The following COL5A2 variants were observed in gnomAD, a reference collection of about 807,000 sequenced individuals.
COL5A2 encodes collagen alpha-2(V) chain.
In COL5A2, 23 loss-of-function variants were observed where a neutral mutation model predicts 208.2. That is an observed-to-expected ratio of 0.11 (90% confidence interval 0.08 to 0.16). The LOEUF (loss-of-function observed/expected upper bound fraction) is 0.16, where lower values mean the gene tolerates loss of function less well. COL5A2 is among the 10% of genes least tolerant of loss of function. The probability of loss-of-function intolerance (pLI) is 1.00; values close to 1 mark genes in which losing one functional copy is unlikely to be tolerated. For missense variants in COL5A2, 1,590 were observed against 1,956.4 expected, an observed-to-expected ratio of 0.81 and a Z score of 3.53; for synonymous variants, 625 against 628.5, an observed-to-expected ratio of 0.99 and a Z score of 0.08.
At chr2:189,034,791 A>G in intron 53 of COL5A2, 125 bp downstream of exon 53, 2 of 1,099,998 alleles carry the variant, frequency 1.8e-6, no homozygotes, top group Non-Finnish European at 1.3e-6. Context: ...GAATGACTAT[A>G]AACAAACTGC....
chr2:189,314,786 G>A, the COL5A2 span, among the ~76,000 whole-genome samples: 1 of 152,112 alleles, frequency 6.6e-6, no homozygotes, highest in South Asian at 2.1e-4. Flanking sequence ...ACAACCATCA[G>A]AGAATATTAT....
the COL5A2 span, among the ~76,000 whole-genome samples, chr2:189,287,591 T>A: frequency 6.6e-6 from 1 of 152,266 alleles, no homozygotes; most frequent in South Asian, 2.1e-4. Context: ...CTTGTACCCA[T>A]GGAACAAGGA....
At chr2:189,041,882 T>C (rs1163647251) in intron 49 of COL5A2, among the ~76,000 whole-genome samples, 189 bp from the exon 50 acceptor site, 1 of 152,252 alleles carries the variant, frequency 6.6e-6, no homozygotes, top group African/African-American at 2.4e-5. Flanking sequence ...GAATTTTCCA[T>C]CATCCATGCA....
the COL5A2 span, among the ~76,000 whole-genome samples, chr2:189,396,612 TGCAGTGAGCAGA>T: frequency 6.8e-6 from 1 of 147,680 alleles, no homozygotes; most frequent in Non-Finnish European, 1.5e-5. Context: ...AGGCGGAGCT[TGCAGTGAGCAGA>T]GCTCGCGCCA....
rs145088407 is a variant in COL5A2, at chr2:189,113,585, T to C, written c.98-3136A>G. On this transcript the variant is annotated intron_variant, in intron 1 of 53. Transcript: ENST00000374866. ...ACATTGTGGAGTGCTATATTTGTTA[T>C]ATAATAGATGAATATAATTAACTTA... Among the ~76,000 whole-genome samples the C allele has an allele frequency of 6.0e-3, 895 of 149,202 alleles. 10 individuals are homozygous for C. The highest frequency in any genetic ancestry group is 0.021 in the African/African-American group (856 of 40,998).
chr2:189,050,493 A>G, intron 43 of COL5A2, 76 bp downstream of exon 43: 2 of 1,259,566 alleles, frequency 1.6e-6, no homozygotes, highest in South Asian at 1.3e-5. Context: ...TCATCAAGCA[A>G]AAAAAATAAA....
the COL5A2 span, among the ~76,000 whole-genome samples, chr2:189,270,767 T>C: frequency 6.6e-6 from 1 of 152,166 alleles, no homozygotes; most frequent in Non-Finnish European, 1.5e-5. Flanking sequence ...CCCCACTGTC[T>C]CAGTCCAAAA....
chr2:189,253,958 C>G, the COL5A2 span, among the ~76,000 whole-genome samples: 4 of 152,218 alleles, frequency 2.6e-5, no homozygotes, highest in African/African-American at 7.2e-5. Context: ...TTTAATGATT[C>G]ACTCACTCAC....
intron 1 of COL5A2, among the ~76,000 whole-genome samples, chr2:189,145,759 A>G (rs1456972488): frequency 6.6e-6 from 1 of 152,160 alleles, no homozygotes; most frequent in East Asian, 1.9e-4. Context: ...AAACCAGGCT[A>G]CAAAAGTATA....
At chr2:189,345,456 T>C in the COL5A2 span, among the ~76,000 whole-genome samples, 2 of 151,778 alleles carry the variant, frequency 1.3e-5, no homozygotes, top group African/African-American at 4.8e-5. Context: ...GGGGAGAAAA[T>C]ATAGCAAGAA....
Position 189,058,057 on chromosome 2 carries a change from AC to A in COL5A2, c.2229+371del, listed in dbSNP as rs569138667. ...AGTAAGCAGAATTGTGAAACCTGAGACAAGGAAAATGGAGCATATTATTAGA... is the reference window on the plus strand; with the variant it reads ...AGTAAGCAGAATTGTGAAACCTGAGAAAGGAAAATGGAGCATATTATTAGA... On this transcript the variant is annotated intron_variant, in intron 33 of 53. Coordinates refer to ENST00000374866, the MANE Select transcript of COL5A2 (RefSeq NM_000393.5). Among the ~76,000 whole-genome samples, 23 of 152,342 alleles carry A rather than the reference AC, an allele frequency of 1.5e-4. No homozygotes were observed. In the South Asian group the frequency reaches 2.7e-3, roughly 18 times the overall value.
At chr2:189,190,314 T>C (rs982901876) in intron 1 of COL5A2, among the ~76,000 whole-genome samples, 21 of 152,166 alleles carry the variant, frequency 1.4e-4, no homozygotes, top group African/African-American at 4.8e-4. Context: ...AAGATATTAT[T>C]GGAGGAGTGA....
At chr2:189,304,430 G>C in the COL5A2 span, among the ~76,000 whole-genome samples, 1 of 152,130 alleles carries the variant, frequency 6.6e-6, no homozygotes, top group Non-Finnish European at 1.5e-5. Flanking sequence ...GGTTTAATTG[G>C]CTTGTGGTTG....
chr2:189,085,199 T>G lies in COL5A2; in HGVS notation c.759A>C (p.Ser253=). 6.2e-7 allele frequency: 1 copy of G among 1,611,320 alleles called. No homozygotes were observed. The highest frequency in any genetic ancestry group is 8.5e-7 in the Non-Finnish European group (1 of 1,178,534). The change falls in exon 11 of 54, where the codon TCA becomes TCC. Residue 253 remains serine (S), a synonymous_variant. Transcript: ENST00000374866. ...TACCAGGAGGGCCCTCTGGTCCACG[T>G]GAACCAATCGGACCCTAATAACAGA... ...GDPGPMGPIG[S]RGPEGPPGKP...
intron 1 of COL5A2, among the ~76,000 whole-genome samples, chr2:189,190,201 T>A (rs1688905872): frequency 6.6e-6 from 1 of 152,232 alleles, no homozygotes; most frequent in Non-Finnish European, 1.5e-5. Context: ...TTTCTTAAAG[T>A]ATGTGAGTGA....
the COL5A2 span, among the ~76,000 whole-genome samples, chr2:189,371,651 G>C: frequency 6.6e-6 from 1 of 152,180 alleles, no homozygotes; most frequent in Non-Finnish European, 1.5e-5. Flanking sequence ...TGATGACTTG[G>C]GGTATCTGGC....
chr2:189,193,128 T>G (rs1688951821), intron 1 of COL5A2, among the ~76,000 whole-genome samples: 1 of 152,220 alleles, frequency 6.6e-6, no homozygotes. Flanking sequence ...GCCAATAAAT[T>G]TCTGTTCATT....
chr2:189,371,059 C>A, the COL5A2 span, among the ~76,000 whole-genome samples: 5,522 of 152,056 alleles, frequency 0.036, 114 homozygotes, highest in Admixed American at 0.05. Context: ...CGAATAGTTC[C>A]TGTGAGTTCT....
At chr2:189,392,969 T>G in the COL5A2 span, among the ~76,000 whole-genome samples, 2 of 152,130 alleles carry the variant, frequency 1.3e-5, no homozygotes, top group African/African-American at 4.8e-5. Flanking sequence ...ACATCTATGT[T>G]CCCCATATAG....
Sources: gnomAD v4.1 joint callset for allele counts (sites outside exome capture counted in the v4.1 genomes callset) on GRCh38, gnomAD v4.1.1 for gene constraint, MANE v1.5 for transcripts, NCBI Gene and HGNC (gene_info 2026-07-23, HGNC 2026-07-21) for gene names.